The following TULP4 variants were observed in gnomAD, a reference collection of about 807,000 sequenced individuals.
TULP4 encodes tubby-related protein 4.
In TULP4, 16 loss-of-function variants were observed where a neutral mutation model predicts 129.0. That is an observed-to-expected ratio of 0.12 (90% CI 0.08 to 0.19). TULP4 has a LOEUF of 0.19. Among genes scored for constraint, TULP4 ranks in the 10% least tolerant of loss-of-function variants. The pLI is 1.00. For missense variants in TULP4, 1,842 were observed against 2,059.1 expected (o/e 0.89, Z 2.04); for synonymous variants, 998 against 854.0 (o/e 1.17, Z -2.94).
At chr6:158,428,304 C>T (rs1336550925) in intron 2 of TULP4, 5 of 152,188 alleles carry the variant, frequency 3.3e-5, no homozygotes, top group East Asian at 1.9e-4. Flanking sequence ...TACTTCAGCT[C>T]ATCTTGAGAG....
chr6:158,311,475 GAGAC>G (rs957008662), upstream of TULP4, among the ~76,000 whole-genome samples: 15 of 152,246 alleles, frequency 9.9e-5, no homozygotes, highest in Non-Finnish European at 4.4e-5. Context: ...GGATTTGCTA[GAGAC>G]AGATTCTCTA....
intron 5 of TULP4, among the ~76,000 whole-genome samples, chr6:158,457,847 A>G (rs932303476): frequency 9.2e-5 from 14 of 152,124 alleles, no homozygotes; most frequent in African/African-American, 3.1e-4. Flanking sequence ...GGCAGACCTG[A>G]TAAGATTTGC....
At chr6:158,386,746 A>G (rs1190173213) in intron 1 of TULP4, among the ~76,000 whole-genome samples, 1 of 150,594 alleles carries the variant, frequency 6.6e-6, no homozygotes, top group African/African-American at 2.5e-5. Flanking sequence ...TTGCTAGCTG[A>G]ACAACTTTAG....
chr6:158,466,900 G>A (rs369582106), intron 6 of TULP4, among the ~76,000 whole-genome samples: 18 of 152,046 alleles, frequency 1.2e-4, no homozygotes, highest in African/African-American at 3.9e-4. Flanking sequence ...ATCACTTTTC[G>A]CACTCTGTAT....
At chr6:158,309,907 AGAGGGAGAGGGG>A, upstream of TULP4, among the ~76,000 whole-genome samples, 1 of 105,562 alleles carries the variant, frequency 9.5e-6, no homozygotes, top group Admixed American at 1.0e-4. Flanking sequence ...GACCGTGGGG[AGAGGGAGAGGGG>A]GAGGGGGAGG....
chr6:158,392,007 A>G (rs1777595054), intron 1 of TULP4, among the ~76,000 whole-genome samples: 1 of 152,198 alleles, frequency 6.6e-6, no homozygotes, highest in Admixed American at 6.5e-5. Flanking sequence ...AATGAATGAA[A>G]TGTATTAGTT....
At chr6:158,455,497 G>A (rs768849006) in intron 5 of TULP4, among the ~76,000 whole-genome samples, 1 of 152,050 alleles carries the variant, frequency 6.6e-6, no homozygotes, top group Non-Finnish European at 1.5e-5. Context: ...AGCACTTTGG[G>A]AGGCTGAGGC....
At chr6:158,500,420 T>C (rs1175837946) in intron 12 of TULP4, among the ~76,000 whole-genome samples, 1 of 152,222 alleles carries the variant, frequency 6.6e-6, no homozygotes, top group Non-Finnish European at 1.5e-5. Context: ...TTTGATAAAC[T>C]AGCTGGCTTG....
At chr6:158,381,960 C>T (rs1777337318) in intron 1 of TULP4, among the ~76,000 whole-genome samples, 1 of 152,060 alleles carries the variant, frequency 6.6e-6, no homozygotes, top group South Asian at 2.1e-4. Flanking sequence ...GTCTCTCTTA[C>T]TAGACAGTGA....
intron 1 of TULP4, among the ~76,000 whole-genome samples, chr6:158,245,633 T>C (rs1239475372): frequency 6.6e-6 from 1 of 152,210 alleles, no homozygotes; most frequent in Non-Finnish European, 1.5e-5. Context: ...TTAGAACAGA[T>C]ATATGTACAT....
At chr6:158,270,200 A>G (rs536715427) in intron 1 of TULP4, among the ~76,000 whole-genome samples, 78 of 152,288 alleles carry the variant, frequency 5.1e-4, no homozygotes, top group African/African-American at 1.8e-3. Context: ...GGATTATTAT[A>G]AAGTCTTCAT....
chr6:158,387,733 T>C (rs1777482939), intron 1 of TULP4, among the ~76,000 whole-genome samples: 3 of 152,364 alleles, frequency 2.0e-5, no homozygotes, highest in African/African-American at 7.2e-5. Context: ...ATTCACATTA[T>C]GCAATTCAGC....
chr6:158,309,789 C>T (rs923765483), upstream of TULP4, among the ~76,000 whole-genome samples: 2 of 151,650 alleles, frequency 1.3e-5, no homozygotes, highest in South Asian at 2.1e-4. Context: ...CTCGGCAGGC[C>T]GAGGCAGGAG....
chr6:158,493,611 G>T lies in TULP4; in HGVS notation c.1670G>T (p.Arg557Leu), dbSNP rs748375243. Reference sequence around the variant, plus strand: ...GCCCGCAAGTCACCCAAGCTGCCCCGGGCTGCTCAGGAGCTCTCCCGGTCC... The same window carrying T: ...GCCCGCAAGTCACCCAAGCTGCCCCTGGCTGCTCAGGAGCTCTCCCGGTCC... ...IEARKSPKLP[R>L]AAQELSRSPR... Residue 557 changes from arginine (R) to leucine (L), a missense_variant, in exon 10 of 14, where the codon CGG becomes CTG. Arg to Leu is a moderately radical substitution (Grantham distance 102, BLOSUM62 -2). Coordinates refer to ENST00000367097, the MANE Select transcript of TULP4 (RefSeq NM_020245.5). This position sits in a 1 kb window ranked among gnomAD's most constrained non-coding sequence, Gnocchi z 4.4. 1.3e-6 allele frequency: 2 copies of T among 1,582,892 alleles called. No individual in the cohort carries two copies. The highest frequency in any genetic ancestry group is 1.1e-5 in the South Asian group (1 of 87,332).
intron 2 of TULP4, among the ~76,000 whole-genome samples, chr6:158,425,153 CAAAAAAAAAAA>C (rs562712423): frequency 4.0e-4 from 16 of 39,804 alleles, no homozygotes; most frequent in African/African-American, 7.1e-4. Context: ...GACACCATCT[CAAAAAAAAAAA>C]AAAAAAAAAA....
At chr6:158,254,790 G>A (rs74349563) in intron 1 of TULP4, among the ~76,000 whole-genome samples, 2,363 of 152,276 alleles carry the variant, frequency 0.016, 67 homozygotes, top group African/African-American at 0.054. Flanking sequence ...TCTGTGTTCC[G>A]GCCAGGTGCC....
chr6:158,258,721 T>C (rs1249913627), intron 1 of TULP4, among the ~76,000 whole-genome samples: 1 of 152,198 alleles, frequency 6.6e-6, no homozygotes, highest in Non-Finnish European at 1.5e-5. Context: ...CCATCACCAG[T>C]GCTAACAAAA....
chr6:158,242,389 C>T (rs1777939636), intron 1 of TULP4: 1 of 1,482,594 alleles, frequency 6.7e-7, no homozygotes, highest in Non-Finnish European at 9.4e-7. Flanking sequence ...GTTTTCCTCT[C>T]CTCATCATAA....
At chr6:158,360,853 A>G (rs1780770774) in intron 1 of TULP4, among the ~76,000 whole-genome samples, 1 of 152,200 alleles carries the variant, frequency 6.6e-6, no homozygotes, top group South Asian at 2.1e-4. Context: ...ATAGCCTGTT[A>G]CTACAGTTAT....
Sources: allele counts gnomAD v4.1 joint callset (sites outside exome capture counted in the v4.1 genomes callset), GRCh38; gene constraint gnomAD v4.1.1; non-coding constraint Gnocchi (gnomAD v3.1); transcripts MANE v1.5; gene names NCBI Gene and HGNC (gene_info 2026-07-23, HGNC 2026-07-21).